Variants in HHIP observed in about 807,000 individuals in gnomAD.
The protein encoded by HHIP is hedgehog-interacting protein.
A neutral mutation model predicts 74.0 loss-of-function variants in HHIP; 12 were observed. The observed-to-expected ratio is 0.16, with a 90% CI of 0.10 to 0.26. The LOEUF is 0.26. Among genes scored for constraint, HHIP ranks in the 10% least tolerant of loss-of-function variants. The pLI is 1.00. For synonymous variants in HHIP, 309 were observed against 311.6 expected (o/e 0.99, Z 0.09); for missense variants, 788 against 845.0 (o/e 0.93, Z 0.84).
chr4:144,663,171 C>A (rs1728760262), intron 4 of HHIP, among the ~76,000 whole-genome samples: 1 of 152,108 alleles, frequency 6.6e-6, no homozygotes, highest in Non-Finnish European at 1.5e-5. Context: ...CACCTGTAGT[C>A]CCAGCTACTC....
chr4:144,697,981 G>A (rs1729867784), intron 4 of HHIP, among the ~76,000 whole-genome samples: 1 of 152,098 alleles, frequency 6.6e-6, no homozygotes, highest in Non-Finnish European at 1.5e-5. Context: ...CTTACAGGTA[G>A]ATGATTTCCG....
At chr4:144,653,904 A>T (rs1438238178) in intron 2 of HHIP, among the ~76,000 whole-genome samples, 2 of 152,134 alleles carry the variant, frequency 1.3e-5, no homozygotes, top group Non-Finnish European at 2.9e-5. Flanking sequence ...CATGTTTCTA[A>T]GCCTTTTCTC....
intron 4 of HHIP, among the ~76,000 whole-genome samples, chr4:144,705,975 A>C (rs2126652342): frequency 6.6e-6 from 1 of 152,320 alleles, no homozygotes; most frequent in African/African-American, 2.4e-5. Context: ...GCTGCCTATT[A>C]CCTAGCTATG....
intron 11 of HHIP, among the ~76,000 whole-genome samples, chr4:144,727,956 A>C (rs566108638): frequency 6.6e-6 from 1 of 152,314 alleles, no homozygotes; most frequent in South Asian, 2.1e-4. Context: ...AAAGCCACTT[A>C]ATCTCTTCAT....
chr4:144,647,065 A>C (rs189200257), intron 1 of HHIP, 111 bp downstream of exon 1: 110 of 886,566 alleles, frequency 1.2e-4, no homozygotes, highest in Non-Finnish European at 7.9e-5. Context: ...TCTTTGGGGG[A>C]GTTCTTTCCA....
At position 144,743,034 on chromosome 4, in the gene HHIP, A is replaced by T. The variant is rs1351715357; in HGVS notation, c.*5077A>T. ...ATTATATATATATAATATATATCTTATATATATATATATCTTAATACATAT... is the reference window on the plus strand; with the variant it reads ...ATTATATATATATAATATATATCTTTTATATATATATATCTTAATACATAT... On this transcript the variant is annotated 3_prime_UTR_variant, in exon 13 of 13. Coordinates refer to ENST00000296575, the MANE Select transcript of HHIP (RefSeq NM_022475.3). 7 of 132,142 alleles carry T rather than the reference A, an allele frequency of 5.3e-5. No homozygotes were observed. The highest frequency in any genetic ancestry group is 1.1e-4 in the African/African-American group (4 of 35,550). 8.2% of individuals were successfully genotyped at this position (132,142 alleles called of 1,614,324 possible).
At chr4:144,707,349 A>G (rs1578713290) in intron 6 of HHIP, 89 bp downstream of exon 6, 1 of 1,066,468 alleles carries the variant, frequency 9.4e-7, no homozygotes, top group East Asian at 2.5e-5. Flanking sequence ...ATTAAGAACC[A>G]TCTTTGAATG....
chr4:144,657,647 C>T (rs62346130), intron 2 of HHIP, among the ~76,000 whole-genome samples: 53,608 of 151,832 alleles, frequency 0.35, 11,079 homozygotes, highest in South Asian at 0.52. Context: ...AAAGTTATTT[C>T]CTTTCATATT....
chr4:144,713,336 G>T lies in HHIP; in HGVS notation c.1424-889G>T, dbSNP rs568282830. Among the ~76,000 whole-genome samples, 14 of 152,224 alleles carry T rather than the reference G, an allele frequency of 9.2e-5. No individual in the cohort carries two copies. In the South Asian group the frequency reaches 2.7e-3, roughly 29 times the overall value. ...TTATTCAATTATGCTACCTCTCAGT[G>T]TGCTCATTATTTAAAATTTCTCTTA... On this transcript the variant is annotated intron_variant, in intron 8 of 12. Transcript: ENST00000296575.
intron 11 of HHIP, among the ~76,000 whole-genome samples, chr4:144,721,851 C>T (rs1289916185): frequency 1.3e-5 from 2 of 150,262 alleles, no homozygotes; most frequent in Admixed American, 6.7e-5. Flanking sequence ...TGCAGTGAAT[C>T]GAGATTGTGC....
At position 144,658,863 on chromosome 4, in the gene HHIP, T is replaced by A; in HGVS notation, c.546T>A (p.Asp182Glu). 1 of 1,613,808 alleles carries A rather than the reference T, an allele frequency of 6.2e-7. No homozygotes were observed. Among genetic ancestry groups the A allele is most frequent in the Non-Finnish European group, 8.5e-7 (1 of 1,179,788 alleles). Residue 182 changes from aspartate to glutamate, a missense_variant, in exon 3 of 13, where the codon GAT (aspartate) becomes GAA (glutamate). Asp to Glu is a conservative substitution (Grantham distance 45). This residue lies in a region of HHIP where 373 missense variants were observed against 366.4 expected (regional missense o/e 1.02). Transcript: ENST00000296575. ...ARKDGGLCFP[D>E]FPRKQVRGPA... ...AAGATGGTGGGTTGTGCTTTCCAGA[T>A]TTTCCAAGAAAACAAGTCAGAGGAC...
rs72733545 is a variant in HHIP, at chr4:144,698,607, G to A, written c.832-7924G>A. On this transcript the variant is annotated intron_variant, in intron 4 of 12. Coordinates refer to ENST00000296575, the MANE Select transcript of HHIP (RefSeq NM_022475.3). ...CACGATTAAGGAGAAGAGAAAAGTT[G>A]AGCATCAGCATTCCGTTAATTGGAC... Among the ~76,000 whole-genome samples the A allele has an allele frequency of 3.3e-3, 505 of 152,260 alleles. 4 individuals carry two copies. Among genetic ancestry groups the A allele is most frequent in the Middle Eastern group, 0.031 (9 of 294 alleles).
At chr4:144,680,715 C>A (rs1033577057) in intron 4 of HHIP, among the ~76,000 whole-genome samples, 1 of 152,080 alleles carries the variant, frequency 6.6e-6, no homozygotes, top group Non-Finnish European at 1.5e-5. Flanking sequence ...AACAGAAGAA[C>A]TCTATTTTTA....
intron 1 of HHIP, among the ~76,000 whole-genome samples, chr4:144,647,923 C>A (rs1269973836): frequency 1.3e-5 from 2 of 152,060 alleles, no homozygotes; most frequent in African/African-American, 4.8e-5. Context: ...TAGAACACTG[C>A]CAGTTGTCAA....
At position 144,708,275 on chromosome 4, in the gene HHIP, C is replaced by T. The variant is rs771256218; in HGVS notation, c.1265C>T (p.Pro422Leu). ...CACTTCAACAGCACCAACCAGCCCC[C>T]CGAAGTGTTTGCTCATGGGCTCCAC... ...NPHFNSTNQP[P>L]EVFAHGLHDP... Residue 422 changes from proline to leucine, a missense_variant, in exon 7 of 13, where the codon CCC (proline) becomes CTC (leucine). By Grantham distance (98) the Pro-to-Leu change is moderately conservative (BLOSUM62 -3). Transcript: ENST00000296575. The T allele has an allele frequency of 6.2e-7, 1 of 1,614,120 alleles. No homozygotes were observed. The highest frequency in any genetic ancestry group is 1.1e-5 in the South Asian group (1 of 91,066).
intron 7 of HHIP, among the ~76,000 whole-genome samples, chr4:144,711,193 G>A (rs908448072): frequency 6.6e-6 from 1 of 152,176 alleles, no homozygotes; most frequent in Non-Finnish European, 1.5e-5. Context: ...TGGAATTAAA[G>A]CACATGTTTT....
chr4:144,693,832 G>A (rs13131837), intron 4 of HHIP, among the ~76,000 whole-genome samples: 55,910 of 151,518 alleles, frequency 0.37, 12,852 homozygotes, highest in South Asian at 0.52. Context: ...GATGCATTTG[G>A]TCAGAAATAT....
intron 4 of HHIP, among the ~76,000 whole-genome samples, chr4:144,663,342 G>A (rs1728765787): frequency 1.3e-5 from 2 of 152,120 alleles, no homozygotes; most frequent in South Asian, 2.1e-4. Context: ...GAATATCTGG[G>A]GTTGGCACCC....
At chr4:144,711,138 C>G (rs528114699) in intron 7 of HHIP, among the ~76,000 whole-genome samples, 4 of 152,108 alleles carry the variant, frequency 2.6e-5, no homozygotes, top group African/African-American at 9.7e-5. Flanking sequence ...ACAGAGTCAA[C>G]GTAAAAGACC....
Sources: allele counts gnomAD v4.1 joint callset (sites outside exome capture counted in the v4.1 genomes callset), GRCh38; gene constraint gnomAD v4.1.1; regional missense constraint gnomAD v4.1.1; transcripts MANE v1.5; gene names NCBI Gene and HGNC (gene_info 2026-07-23, HGNC 2026-07-21).